CSGALNACT1: variants seen among roughly 807,000 people sequenced by gnomAD.
CSGALNACT1 encodes the protein chondroitin sulfate N-acetylgalactosaminyltransferase 1.
Under a neutral mutation model 51.0 loss-of-function variants are expected in CSGALNACT1, and 52 were observed. The observed-to-expected ratio is 1.02, with a 90% CI of 0.82 to 1.29. CSGALNACT1 has a LOEUF of 1.29. Among genes scored for constraint, CSGALNACT1 ranks in the 50% most tolerant of loss-of-function variants. The pLI is 0.00. For missense variants in CSGALNACT1, 935 were observed against 679.2 expected, an observed-to-expected ratio of 1.38 and a Z score of -4.19; for synonymous variants, 341 against 254.4, an observed-to-expected ratio of 1.34 and a Z score of -3.24.
Position 19,450,787 on chromosome 8 carries a change from G to A in CSGALNACT1, c.851+7639C>T, listed in dbSNP as rs182754457. 8.5e-5 allele frequency among the ~76,000 whole-genome samples: 13 copies of A among 152,074 alleles called. No individual in the cohort carries two copies. In the East Asian group the frequency reaches 1.2e-3, roughly 14 times the overall value. ...TGGCTGGATGTGGTGGCATGCATCC[G>A]TAGCCCCAGCTACTCAGGAGTCTGA... On this transcript the variant is annotated intron_variant, in intron 5 of 9. Transcript: ENST00000454498.
chr8:19,710,413 A>T (rs906027668), intron 1 of CSGALNACT1, among the ~76,000 whole-genome samples: 5 of 152,216 alleles, frequency 3.3e-5, no homozygotes, highest in African/African-American at 4.8e-5. Context: ...AAAGAAATAG[A>T]TCGCCTTAAC....
intron 1 of CSGALNACT1, among the ~76,000 whole-genome samples, chr8:19,719,229 A>T (rs970871362): frequency 6.6e-6 from 1 of 152,164 alleles, no homozygotes; most frequent in African/African-American, 2.4e-5. Flanking sequence ...TTTCTGATTT[A>T]TATTTTATCT....
chr8:19,526,114 C>T (rs2081638322), intron 3 of CSGALNACT1, among the ~76,000 whole-genome samples: 1 of 152,202 alleles, frequency 6.6e-6, no homozygotes, highest in Non-Finnish European at 1.5e-5. Flanking sequence ...CCAATGCTGT[C>T]ATATCCTACC....
intron 3 of CSGALNACT1, among the ~76,000 whole-genome samples, chr8:19,520,004 G>C (rs889653206): frequency 6.6e-6 from 1 of 152,228 alleles, no homozygotes; most frequent in Non-Finnish European, 1.5e-5. Flanking sequence ...ACTCTGATGA[G>C]TTCATGGAGG....
At position 19,588,456 on chromosome 8, in the gene CSGALNACT1, T is replaced by C. The variant is rs143192421; in HGVS notation, c.-297+2704A>G. Among the ~76,000 whole-genome samples the C allele has an allele frequency of 2.3e-3, 355 of 152,312 alleles. 3 individuals are homozygous for C. Among genetic ancestry groups the C allele is most frequent in the African/African-American group, 7.7e-3 (322 of 41,572 alleles). ...TTCATCCAAGCAAACTCAGAAAGAA[T>C]TCAGTGATTTATATCCTATACAAAT... On this transcript the variant is annotated intron_variant, in intron 3 of 9. Transcript: ENST00000454498.
At position 19,647,039 on chromosome 8, in the gene CSGALNACT1, T is replaced by C. The variant is rs2057342855; in HGVS notation, c.-544+35434A>G. 2.0e-5 allele frequency among the ~76,000 whole-genome samples: 3 copies of C among 151,370 alleles called. No individual in the cohort carries two copies. The South Asian group carries it at 6.3e-4, about 32-fold the overall frequency. The stretch of plus-strand genomic sequence containing the variant: ...GTGGCTCAGCTTACCACCGAGCACC[T>C]GTAAGCCTAGTGGTCCCCTAAATAA... On this transcript the variant is annotated intron_variant, in intron 1 of 9. Transcript: ENST00000332246.
intron 1 of CSGALNACT1, among the ~76,000 whole-genome samples, chr8:19,681,332 A>G (rs183243771): frequency 5.3e-4 from 81 of 152,324 alleles, no homozygotes; most frequent in African/African-American, 1.0e-3. Context: ...AATGAGAACT[A>G]GACCAGCAGA....
exon 8 of CSGALNACT1, chr8:19,418,682 C>T: frequency 1.2e-6 from 2 of 1,613,164 alleles, no homozygotes; most frequent in African/African-American, 1.3e-5. Context: ...GGAGGGACTG[C>T]ATCATGGTGG....
chr8:19,642,509 G>A (rs908286215), intron 1 of CSGALNACT1, among the ~76,000 whole-genome samples: 15 of 152,178 alleles, frequency 9.9e-5, no homozygotes, highest in African/African-American at 3.6e-4. Flanking sequence ...AGTGGCTCAT[G>A]CCTGTAATCC....
chr8:19,755,456 C>CAAAAAAAAAAAAAACAAAAAA (rs2065301412), intron 1 of CSGALNACT1, among the ~76,000 whole-genome samples: 1 of 74,532 alleles, frequency 1.3e-5, no homozygotes, highest in Non-Finnish European at 2.5e-5. Flanking sequence ...TAAAGAAAGA[C>CAAAAAAAAAAAAAACAAAAAA]AAAAAAAAAA....
chr8:19,421,219 G>A (rs1194848429), intron 6 of CSGALNACT1, among the ~76,000 whole-genome samples: 1 of 152,148 alleles, frequency 6.6e-6, no homozygotes, highest in Non-Finnish European at 1.5e-5. Flanking sequence ...AGGGTTATTA[G>A]TGAGATAAAC....
intron 5 of CSGALNACT1, among the ~76,000 whole-genome samples, chr8:19,440,879 A>G (rs2061223004): frequency 6.6e-6 from 1 of 152,214 alleles, no homozygotes; most frequent in Non-Finnish European, 1.5e-5. Context: ...GTCTCAGGAT[A>G]TAAAATCAAT....
At chr8:19,543,573 T>A (rs2085749746) in intron 3 of CSGALNACT1, among the ~76,000 whole-genome samples, 1 of 152,172 alleles carries the variant, frequency 6.6e-6, no homozygotes, top group Non-Finnish European at 1.5e-5. Flanking sequence ...CTTCCTAATA[T>A]GAACCCTAAA....
rs10090079 is a variant in CSGALNACT1, at chr8:19,447,559, G to A, written c.852-7628C>T. 6.2e-3 allele frequency among the ~76,000 whole-genome samples: 938 copies of A among 152,270 alleles called. 9 individuals carry two copies. The highest frequency in any genetic ancestry group is 0.021 in the African/African-American group (890 of 41,550). The stretch of plus-strand genomic sequence containing the variant: ...AGACCCACTAACTATTGTGGGAGGT[G>A]CTGTGATGTACACAATAGGATGTGT... On this transcript the variant is annotated intron_variant, in intron 5 of 9. Transcript: ENST00000454498.
At chr8:19,597,723 A>G (rs563233238) in intron 2 of CSGALNACT1, among the ~76,000 whole-genome samples, 1 of 152,364 alleles carries the variant, frequency 6.6e-6, no homozygotes, top group Non-Finnish European at 1.5e-5. Flanking sequence ...AAAGGCTGGT[A>G]CACCGTCAAA....
At chr8:19,604,832 A>G (rs11986817), upstream of CSGALNACT1, among the ~76,000 whole-genome samples, 5,705 of 149,350 alleles carry the variant, frequency 0.038, 382 homozygotes, top group African/African-American at 0.13. Context: ...GGAGAATGGC[A>G]TGAACCCGGG....
At chr8:19,682,601 A>C (rs1425598858), upstream of CSGALNACT1, 2 of 453,862 alleles carry the variant, frequency 4.4e-6, no homozygotes, top group East Asian at 1.4e-4. Context: ...ACTGATGTAC[A>C]CTGGGACTTC....
chr8:19,471,600 C>T (rs922746754), intron 4 of CSGALNACT1, among the ~76,000 whole-genome samples: 3 of 152,020 alleles, frequency 2.0e-5, no homozygotes, highest in Admixed American at 6.6e-5. Context: ...TGTAGGGGTT[C>T]GACGCCGGTA....
chr8:19,573,033 G>T (rs2043350448), intron 3 of CSGALNACT1, among the ~76,000 whole-genome samples: 3 of 152,070 alleles, frequency 2.0e-5, no homozygotes. Flanking sequence ...AAATACACAG[G>T]GGACAAAGGA....
Sources: gnomAD v4.1 joint callset for allele counts (sites outside exome capture counted in the v4.1 genomes callset) on GRCh38, gnomAD v4.1.1 for gene constraint, MANE v1.5 for transcripts, NCBI Gene and HGNC (gene_info 2026-07-23, HGNC 2026-07-21) for gene names.